Variants in LCK observed in about 807,000 individuals in gnomAD.
LCK encodes the protein LCK proto-oncogene, Src family tyrosine kinase.
In LCK, 14 loss-of-function variants were observed where a neutral mutation model predicts 64.6. The ratio of observed to expected loss-of-function variants is 0.22; its 90% CI spans 0.14 to 0.34. The LOEUF (loss-of-function observed/expected upper bound fraction) is 0.34, where lower values mean the gene tolerates loss of function less well. LCK is among the 10% of genes least tolerant of loss of function. The pLI, the probability that LCK is intolerant of heterozygous loss-of-function variation, is 1.00. For synonymous variants in LCK, 277 were observed against 263.6 expected, an observed-to-expected ratio of 1.05 and a Z score of -0.49; for missense variants, 434 against 668.1, an observed-to-expected ratio of 0.65 and a Z score of 3.86.
At chr1:32,274,535 G>GA in intron 2 of LCK, 101 bp downstream of exon 2, 1 of 1,040,182 alleles carries the variant, frequency 9.6e-7, no homozygotes, top group Non-Finnish European at 1.4e-6. Context: ...GAATAGAGTG[G>GA]CCCTCTCCCC....
Position 32,274,829 on chromosome 1 carries a change from G to A in LCK, c.187+11G>A. The A allele has an allele frequency of 1.2e-6, 2 of 1,614,032 alleles. No individual in the cohort carries two copies. The highest frequency in any genetic ancestry group is 1.7e-6 in the Non-Finnish European group (2 of 1,179,964). ...CTTCCCCACTGCAAGGTGACCCCAG[G>A]CAGCAGGGCCTGAAAGACAAGGCCT... On this transcript the variant is annotated intron_variant, in intron 3 of 12. Coordinates refer to ENST00000336890, the MANE Select transcript of LCK (RefSeq NM_005356.5).
intron 1 of LCK, among the ~76,000 whole-genome samples, chr1:32,252,746 T>C (rs1639538664): frequency 6.6e-6 from 1 of 152,098 alleles, no homozygotes; most frequent in Non-Finnish European, 1.5e-5. Flanking sequence ...AGGCTGAGCA[T>C]TGGTTCAGAG....
chr1:32,266,844 CCTT>C (rs796759386), intron 1 of LCK, among the ~76,000 whole-genome samples: 48 of 110,760 alleles, frequency 4.3e-4, no homozygotes, highest in East Asian at 3.7e-3. Context: ...TCTTTCTCCT[CCTT>C]CTTCTTCTTT....
intron 1 of LCK, 152 bp from the exon 2 acceptor site, chr1:32,274,173 A>G: frequency 4.1e-6 from 6 of 1,476,176 alleles, no homozygotes; most frequent in Admixed American, 2.2e-5. Context: ...GGGACCCCCT[A>G]TTTTAGCTTT....
At chr1:32,262,312 C>A (rs1639797047) in intron 1 of LCK, among the ~76,000 whole-genome samples, 1 of 148,596 alleles carries the variant, frequency 6.7e-6, no homozygotes. Flanking sequence ...ACCAGCCTGG[C>A]CAACATGGTG....
chr1:32,284,674 C>T (rs932873631), intron 12 of LCK, among the ~76,000 whole-genome samples: 21 of 152,104 alleles, frequency 1.4e-4, no homozygotes, highest in African/African-American at 4.8e-4. Flanking sequence ...CTGGCCTGTG[C>T]ACTATATTTG....
intron 1 of LCK, among the ~76,000 whole-genome samples, chr1:32,264,813 G>A (rs1330340594): frequency 6.6e-6 from 1 of 151,968 alleles, no homozygotes; most frequent in East Asian, 2.0e-4. Context: ...GCCCAGGCTG[G>A]TCTCAAACTC....
At chr1:32,279,489 T>C in intron 9 of LCK, 182 bp from the exon 10 acceptor site, 1 of 1,153,742 alleles carries the variant, frequency 8.7e-7, no homozygotes, top group Non-Finnish European at 1.2e-6. Flanking sequence ...CCCTAGCCCC[T>C]CTGCAAAAAA....
At position 32,275,539 on chromosome 1, in the gene LCK, A is replaced by G. The variant is rs1379474860; in HGVS notation, c.378-30A>G. 1 of 1,555,138 alleles carries G rather than the reference A, an allele frequency of 6.4e-7. No homozygotes were observed. The highest frequency in any genetic ancestry group is 8.7e-7 in the Non-Finnish European group (1 of 1,145,576). ...ACGGAGGAAGATCCGACGACAGCCG[A>G]CGGCCTTCGTTCGCTTCCGCCCTGC... is the stretch of plus-strand genomic sequence containing the variant. On this transcript the variant is annotated intron_variant, in intron 5 of 12. Coordinates refer to ENST00000336890, the MANE Select transcript of LCK (RefSeq NM_005356.5). This position sits in a 1 kb window ranked among gnomAD's most constrained non-coding sequence, Gnocchi z 6.9.
In LCK at chr1:32,260,089, G is replaced by A. The variant is rs1049372315; in HGVS notation, c.-6+8718G>A. Among the ~76,000 whole-genome samples, 16 of 151,412 alleles carry A rather than the reference G, an allele frequency of 1.1e-4. 1 individual carries two copies. Among genetic ancestry groups the A allele is most frequent in the East Asian group, 1.9e-4 (1 of 5,176 alleles). On this transcript the variant is annotated intron_variant, in intron 1 of 12. Coordinates refer to ENST00000336890, the MANE Select transcript of LCK (RefSeq NM_005356.5). ...AGACAGAGTCTTGCTCTGTCGCCACGCTGGAGTGCAGTCCCGGGTTTAAGC... is the reference window on the plus strand; with the variant it reads ...AGACAGAGTCTTGCTCTGTCGCCACACTGGAGTGCAGTCCCGGGTTTAAGC...
chr1:32,261,895 G>A (rs532753930), intron 1 of LCK, among the ~76,000 whole-genome samples: 1 of 141,308 alleles, frequency 7.1e-6, no homozygotes, highest in East Asian at 2.4e-4. Flanking sequence ...AGAGGTTGCA[G>A]TGAACCGAGA....
chr1:32,286,049 A>T lies in LCK; in HGVS notation c.*333A>T. On this transcript the variant is annotated 3_prime_UTR_variant, in exon 13 of 13. Transcript: ENST00000336890. ...TGCCCACCTACTTTTCTTTCCTCAGATCATCCAGAAGTTCCTCAAGGGCCA... is the reference window on the plus strand; with the variant it reads ...TGCCCACCTACTTTTCTTTCCTCAGTTCATCCAGAAGTTCCTCAAGGGCCA... 2.5e-6 allele frequency: 1 copy of T among 402,196 alleles called. No individual in the cohort carries two copies. Among genetic ancestry groups the T allele is most frequent in the South Asian group, 3.4e-5 (1 of 29,194 alleles). 24.9% of individuals were successfully genotyped at this position (402,196 alleles called of 1,614,324 possible).
At chr1:32,274,202 G>T (rs1280171764) in intron 1 of LCK, 123 bp from the exon 2 acceptor site, 2 of 1,538,282 alleles carry the variant, frequency 1.3e-6, no homozygotes, top group African/African-American at 2.7e-5. Context: ...TGGTGAATGG[G>T]GATCCCAGGA....
Position 32,285,804 on chromosome 1 carries a change from A to G in LCK, c.*88A>G. ...TTCTTGTGCCATAGTCACATGGCCT[A>G]TGCACATATGGACTCTGCACATGAA... On this transcript the variant is annotated 3_prime_UTR_variant, in exon 13 of 13. Coordinates refer to ENST00000336890, the MANE Select transcript of LCK (RefSeq NM_005356.5). 1 of 1,349,618 alleles carries G rather than the reference A, an allele frequency of 7.4e-7. No individual in the cohort carries two copies. The highest frequency in any genetic ancestry group is 1.0e-6 in the Non-Finnish European group (1 of 971,180). The allele number at this position is 1,349,618 out of a possible 1,614,324, so 83.6% of individuals were successfully genotyped here. A position where few individuals can be genotyped will look rare whatever the true frequency, so the allele number is the denominator to read the frequency against.
Position 32,276,047 on chromosome 1 carries a change from G to T in LCK, c.615G>T (p.Leu205=). ...PRITFPGLHE[L]VRHYTNASDG... ...TCACTTTTCCCGGCCTGCATGAACT[G>T]GTCCGCCATTACACCAGTGAGCCCG... The change falls in exon 7 of 13, where the codon CTG becomes CTT. Residue 205 remains leucine, a synonymous_variant. Transcript: ENST00000336890. This position sits in a 1 kb window ranked among gnomAD's most constrained non-coding sequence, Gnocchi z 4.6. 6.2e-7 allele frequency: 1 copy of T among 1,614,064 alleles called. No individual in the cohort carries two copies. Among genetic ancestry groups the T allele is most frequent in the Non-Finnish European group, 8.5e-7 (1 of 1,180,002 alleles).
chr1:32,284,171 C>T (rs1190547067), intron 12 of LCK, among the ~76,000 whole-genome samples: 1 of 151,324 alleles, frequency 6.6e-6, no homozygotes, highest in Non-Finnish European at 1.5e-5. Context: ...GCGTGAGCCA[C>T]CGCAGATGGC....
intron 12 of LCK, among the ~76,000 whole-genome samples, chr1:32,285,255 C>T (rs1020179961): frequency 3.4e-5 from 5 of 146,430 alleles, no homozygotes; most frequent in East Asian, 2.1e-4. Flanking sequence ...GAGCCGAGAT[C>T]GCACCATTGC....
chr1:32,266,606 C>T (rs957874058), intron 1 of LCK, among the ~76,000 whole-genome samples: 7 of 149,462 alleles, frequency 4.7e-5, no homozygotes, highest in East Asian at 4.0e-4. Context: ...TCCTCCTCCG[C>T]CACCACCACC....
Position 32,275,853 on chromosome 1 carries a change from C to T in LCK, c.482-61C>T. 2 of 1,590,164 alleles carry T rather than the reference C, an allele frequency of 1.3e-6. No individual in the cohort carries two copies. Among genetic ancestry groups the T allele is most frequent in the Non-Finnish European group, 1.7e-6 (2 of 1,166,326 alleles). Reference sequence around the variant, plus strand: ...GCTGGGTGAGCCCAAGGTGGGGGCGCGGTGGCGGGCCAGACTCACTGCGTT... The same window carrying T: ...GCTGGGTGAGCCCAAGGTGGGGGCGTGGTGGCGGGCCAGACTCACTGCGTT... On this transcript the variant is annotated intron_variant, in intron 6 of 12. Coordinates refer to ENST00000336890, the MANE Select transcript of LCK (RefSeq NM_005356.5). This position sits in a 1 kb window ranked among gnomAD's most constrained non-coding sequence, Gnocchi z 6.9.
Sources: gnomAD v4.1 joint callset for allele counts (sites outside exome capture counted in the v4.1 genomes callset) on GRCh38, gnomAD v4.1.1 for gene constraint, Gnocchi (gnomAD v3.1) non-coding constraint, MANE v1.5 for transcripts, NCBI Gene and HGNC (gene_info 2026-07-23, HGNC 2026-07-21) for gene names.